Variants in LRRC28 observed in about 807,000 individuals in gnomAD.
LRRC28 encodes leucine rich repeat containing 28.
Under a neutral mutation model 45.7 loss-of-function variants are expected in LRRC28, and 39 were observed. That is an observed-to-expected ratio of 0.85 (90% CI 0.66 to 1.12). The LOEUF is 1.12. Ranked by LOEUF, LRRC28 falls within the 50% of genes most tolerant of loss-of-function variation. LRRC28 has a pLI of 0.00. For synonymous variants in LRRC28, 206 were observed against 178.8 expected, an observed-to-expected ratio of 1.15 and a Z score of -1.22; for missense variants, 435 against 438.5, an observed-to-expected ratio of 0.99 and a Z score of 0.07.
Position 99,349,903 on chromosome 15 carries a change from G to T in LRRC28, c.593-2466G>T, listed in dbSNP as rs1448467985. Among the ~76,000 whole-genome samples the T allele has an allele frequency of 2.0e-5, 3 of 151,984 alleles. No individual in the cohort carries two copies. The East Asian group carries it at 5.8e-4, about 29-fold the overall frequency. The stretch of plus-strand genomic sequence containing the variant: ...TGTAATCCCAGCACTTTGGGAGGCC[G>T]AGGCGGGTGGATCATGAGGTCAGGA... On this transcript the variant is annotated intron_variant, in intron 6 of 9. Transcript: ENST00000301981.
chr15:99,285,806 A>T lies in LRRC28; in HGVS notation c.210-1451A>T, dbSNP rs192109970. 2.3e-3 allele frequency: 1,043 copies of T among 455,350 alleles called. 14 individuals carry two copies. The East Asian group carries it at 0.042, about 19-fold the overall frequency. 28.2% of individuals were successfully genotyped at this position (455,350 alleles called of 1,614,324 possible). A position where few individuals can be genotyped will look rare whatever the true frequency, so the allele number is the denominator to read the frequency against. ...TGAGGCAAGTATTTTGTTGAAAAAA[A>T]TTTTTTTAATCAGTTCTCTATTTTG... On this transcript the variant is annotated intron_variant, in intron 3 of 9. Coordinates refer to ENST00000301981, the MANE Select transcript of LRRC28 (RefSeq NM_144598.5).
chr15:99,312,107 A>T (rs1259728570), intron 5 of LRRC28, among the ~76,000 whole-genome samples: 1 of 152,216 alleles, frequency 6.6e-6, no homozygotes, highest in Non-Finnish European at 1.5e-5. Context: ...ACAGTCACGC[A>T]CTGCTTAATG....
chr15:99,375,549 A>C (rs1257801090), intron 9 of LRRC28, among the ~76,000 whole-genome samples: 4 of 152,156 alleles, frequency 2.6e-5, no homozygotes, highest in Non-Finnish European at 4.4e-5. Context: ...ACTTTTCAAA[A>C]ATTTATCTTT....
chr15:99,339,053 G>A (rs756499988), intron 6 of LRRC28, among the ~76,000 whole-genome samples: 6 of 152,180 alleles, frequency 3.9e-5, no homozygotes, highest in Non-Finnish European at 7.3e-5. Context: ...GCCTCGAGAC[G>A]TGAATATTTG....
At position 99,284,919 on chromosome 15, in the gene LRRC28, T is replaced by G. The variant is rs980896091; in HGVS notation, c.210-2338T>G. 4 of 597,310 alleles carry G rather than the reference T, an allele frequency of 6.7e-6. No individual in the cohort carries two copies. The African/African-American group carries it at 7.3e-5, about 11-fold the overall frequency. 37.0% of individuals were successfully genotyped at this position (597,310 alleles called of 1,614,324 possible). On this transcript the variant is annotated intron_variant, in intron 3 of 9. Coordinates refer to ENST00000301981, the MANE Select transcript of LRRC28 (RefSeq NM_144598.5). Reference sequence around the variant, plus strand: ...ACCAAACCCATCATGACTGCTGAAGTTTCCTCCACGACCAAAGTTGTCATT... The same window carrying G: ...ACCAAACCCATCATGACTGCTGAAGGTTCCTCCACGACCAAAGTTGTCATT...
At chr15:99,336,750 G>A (rs1354239147) in intron 6 of LRRC28, among the ~76,000 whole-genome samples, 3 of 152,150 alleles carry the variant, frequency 2.0e-5, no homozygotes, top group African/African-American at 7.2e-5. Context: ...CTGTTATCTA[G>A]GTCTGTCTTG....
chr15:99,374,657 A>G (rs539499168), intron 9 of LRRC28, among the ~76,000 whole-genome samples: 2 of 150,832 alleles, frequency 1.3e-5, no homozygotes, highest in Non-Finnish European at 2.9e-5. Context: ...GTGAAAATAG[A>G]CATCCTTGCC....
In LRRC28 at chr15:99,334,066, TGC is replaced by T; in HGVS notation, c.530_531del (p.Cys177SerfsTer7). ...NRLWYVPRHL[C>X]QLPSLNELSM... ...TCTATGGTATGTGCCGCGCCATCTC[TGC>T]CAGCTGCCCAGCCTCAATGAGCTCT... On this transcript the variant is annotated frameshift_variant, in exon 6 of 10. Transcript: ENST00000301981. LOFTEE classifies it high-confidence loss of function. 1 of 1,614,180 alleles carries T rather than the reference TGC, an allele frequency of 6.2e-7. No individual in the cohort carries two copies. Among genetic ancestry groups the T allele is most frequent in the Non-Finnish European group, 8.5e-7 (1 of 1,180,006 alleles).
intron 5 of LRRC28, among the ~76,000 whole-genome samples, chr15:99,298,986 G>A (rs955835735): frequency 4.6e-5 from 7 of 152,212 alleles, no homozygotes; most frequent in Non-Finnish European, 1.0e-4. Context: ...TGGGATTACA[G>A]GTGTGAGCCA....
chr15:99,305,849 T>A (rs970971752), intron 5 of LRRC28, among the ~76,000 whole-genome samples: 4 of 152,194 alleles, frequency 2.6e-5, no homozygotes, highest in Non-Finnish European at 5.9e-5. Flanking sequence ...CTACATAAAG[T>A]ATGTTAGTAT....
chr15:99,376,527 C>A (rs931341911), intron 9 of LRRC28, among the ~76,000 whole-genome samples: 1 of 151,896 alleles, frequency 6.6e-6, no homozygotes, highest in Non-Finnish European at 1.5e-5. Context: ...ATTTTATTTT[C>A]ATTTAGTTGA....
chr15:99,281,444 TTC>T (rs1342204932), intron 3 of LRRC28, among the ~76,000 whole-genome samples: 2 of 151,066 alleles, frequency 1.3e-5, no homozygotes, highest in Non-Finnish European at 2.9e-5. Context: ...TATTTGGAAG[TTC>T]TGTTTATTTT....
At chr15:99,277,011 G>A (rs1180569032) in intron 3 of LRRC28, among the ~76,000 whole-genome samples, 1 of 152,026 alleles carries the variant, frequency 6.6e-6, no homozygotes, top group South Asian at 2.1e-4. Context: ...CTCTTTTCCT[G>A]CATCCTCCAC....
intron 6 of LRRC28, among the ~76,000 whole-genome samples, chr15:99,344,676 A>G (rs1172458642): frequency 1.3e-5 from 2 of 152,232 alleles, no homozygotes; most frequent in African/African-American, 4.8e-5. Flanking sequence ...TTTTTCCTAT[A>G]AAATTAACAT....
intron 7 of LRRC28, 114 bp from the exon 8 acceptor site, chr15:99,361,222 G>A (rs1427056271): frequency 2.4e-6 from 3 of 1,253,644 alleles, no homozygotes; most frequent in Admixed American, 5.6e-5. Context: ...AAGAATTCTG[G>A]CAATTCAGCA....
At chr15:99,317,090 C>T (rs1472323480) in intron 5 of LRRC28, among the ~76,000 whole-genome samples, 1 of 151,034 alleles carries the variant, frequency 6.6e-6, no homozygotes, top group Admixed American at 6.6e-5. Context: ...GTTGCGTGTA[C>T]GCAAGTATGC....
At chr15:99,330,661 G>A (rs554934860) in intron 5 of LRRC28, among the ~76,000 whole-genome samples, 18 of 151,996 alleles carry the variant, frequency 1.2e-4, no homozygotes, top group African/African-American at 2.4e-4. Flanking sequence ...TTTTTTATGC[G>A]GTTGACAGCC....
At chr15:99,293,618 A>C (rs1417617463) in intron 5 of LRRC28, among the ~76,000 whole-genome samples, 2 of 142,700 alleles carry the variant, frequency 1.4e-5, no homozygotes, top group Non-Finnish European at 3.0e-5. Flanking sequence ...AAAAAAAAAA[A>C]AAAAAAAAAA....
intron 3 of LRRC28, among the ~76,000 whole-genome samples, chr15:99,280,547 C>T (rs533072349): frequency 1.5e-4 from 23 of 152,022 alleles, no homozygotes; most frequent in African/African-American, 5.1e-4. Context: ...TATTCCCTGG[C>T]GTGCATAGTT....
Sources: gnomAD v4.1 joint callset for allele counts (sites outside exome capture counted in the v4.1 genomes callset) on GRCh38, gnomAD v4.1.1 for gene constraint, MANE v1.5 for transcripts, NCBI Gene and HGNC (gene_info 2026-07-23, HGNC 2026-07-21) for gene names.